Variants in FOCAD observed in about 807,000 individuals in gnomAD.
The protein encoded by FOCAD is KIAA1797.
FOCAD carries 198 observed loss-of-function variants against 225.6 expected under a neutral mutation model. The observed-to-expected ratio is 0.88, with a 90% confidence interval of 0.78 to 0.99. FOCAD has a LOEUF of 0.99. Among genes scored for constraint, FOCAD ranks in the 50% least tolerant of loss-of-function variants. The pLI is 0.00. For synonymous variants in FOCAD, 897 were observed against 755.0 expected, an observed-to-expected ratio of 1.19 and a Z score of -3.08; for missense variants, 2,713 against 2,123.6, an observed-to-expected ratio of 1.28 and a Z score of -5.46.
chr9:20,709,636 G>A (rs1824671230), intron 1 of FOCAD, among the ~76,000 whole-genome samples: 1 of 151,960 alleles, frequency 6.6e-6, no homozygotes, highest in South Asian at 2.1e-4. Flanking sequence ...CAATGTTTGT[G>A]ATTAACCTTG....
chr9:20,662,471 C>T (rs554498913), intron 2 of FOCAD, among the ~76,000 whole-genome samples: 12 of 152,220 alleles, frequency 7.9e-5, no homozygotes, highest in African/African-American at 1.7e-4. Context: ...GGGACAACTC[C>T]GAAGGGCAAT....
chr9:20,656,694 T>A (rs1252275640), upstream of FOCAD, among the ~76,000 whole-genome samples: 1 of 152,170 alleles, frequency 6.6e-6, no homozygotes, highest in Non-Finnish European at 1.5e-5. Context: ...ATGGGTTTCC[T>A]GAATACAGCA....
At chr9:20,761,175 G>T (rs1829560083) in intron 6 of FOCAD, among the ~76,000 whole-genome samples, 2 of 151,786 alleles carry the variant, frequency 1.3e-5, no homozygotes, top group African/African-American at 4.8e-5. Context: ...ACAGTATTTG[G>T]GTATTATTTT....
intron 37 of FOCAD, 25 bp downstream of exon 37, chr9:20,978,479 C>A (rs1840402219): frequency 6.9e-7 from 1 of 1,459,664 alleles, no homozygotes; most frequent in Non-Finnish European, 9.5e-7. Context: ...AGGGTGTTGG[C>A]CAACAGGAGG....
intron 28 of FOCAD, among the ~76,000 whole-genome samples, chr9:20,943,284 TA>T (rs1467038865): frequency 6.6e-6 from 1 of 152,218 alleles, no homozygotes; most frequent in Non-Finnish European, 1.5e-5. Flanking sequence ...GATGGATTAT[TA>T]CTGTAGTAGC....
intron 28 of FOCAD, among the ~76,000 whole-genome samples, chr9:20,943,560 G>C (rs887561192): frequency 6.6e-6 from 1 of 152,032 alleles, no homozygotes; most frequent in East Asian, 1.9e-4. Flanking sequence ...TTTAGGTGTG[G>C]GTGCTCCATT....
intron 6 of FOCAD, 48 bp from the exon 7 acceptor site, chr9:20,764,821 A>C (rs752571361): frequency 1.4e-6 from 2 of 1,438,370 alleles, no homozygotes; most frequent in African/African-American, 2.8e-5. Context: ...TACCTGCTTG[A>C]TAGTGTGTTT....
At chr9:20,957,416 ACTT>A (rs1838261631) in intron 35 of FOCAD, 1 of 150,772 alleles carries the variant, frequency 6.6e-6, no homozygotes. Flanking sequence ...GTCATAATAA[ACTT>A]AATCATTTTC....
chr9:20,798,762 T>C (rs7871249), intron 11 of FOCAD, among the ~76,000 whole-genome samples: 130,795 of 151,678 alleles, frequency 0.86, 56,444 homozygotes, highest in Admixed American at 0.91. Context: ...ATCTTGCTAG[T>C]GGTCTATCAG....
At chr9:20,842,341 T>C (rs1826622490) in intron 15 of FOCAD, among the ~76,000 whole-genome samples, 1 of 152,016 alleles carries the variant, frequency 6.6e-6, no homozygotes, top group African/African-American at 2.4e-5. Flanking sequence ...GGTGGGGTGT[T>C]GATGTCTGCA....
intron 28 of FOCAD, among the ~76,000 whole-genome samples, chr9:20,940,324 C>G (rs1587675147): frequency 6.8e-6 from 1 of 146,062 alleles, no homozygotes; most frequent in East Asian, 2.0e-4. Flanking sequence ...CACTCTGTTG[C>G]TCAGGCTGGA....
intron 11 of FOCAD, among the ~76,000 whole-genome samples, chr9:20,816,632 T>C (rs1823754978): frequency 6.6e-6 from 1 of 152,102 alleles, no homozygotes; most frequent in African/African-American, 2.4e-5. Context: ...TTTTTTCCTT[T>C]TTGAAATTGA....
intron 24 of FOCAD, among the ~76,000 whole-genome samples, chr9:20,919,532 G>A (rs987827315): frequency 1.3e-5 from 2 of 152,148 alleles, no homozygotes; most frequent in Non-Finnish European, 2.9e-5. Flanking sequence ...GAACAAAGCA[G>A]GAGGCATCAT....
At chr9:20,688,179 G>A (rs1822775498) in intron 1 of FOCAD, among the ~76,000 whole-genome samples, 1 of 152,212 alleles carries the variant, frequency 6.6e-6, no homozygotes, top group South Asian at 2.1e-4. Flanking sequence ...TAGATTTTAA[G>A]TGGAAGAAAG....
intron 16 of FOCAD, among the ~76,000 whole-genome samples, chr9:20,864,055 C>T (rs1365995440): frequency 2.0e-5 from 3 of 151,962 alleles, no homozygotes; most frequent in Admixed American, 6.6e-5. Context: ...TCTTCCTGCC[C>T]AGTTAGGGGG....
At chr9:20,949,717 C>T (rs767889975) in intron 33 of FOCAD, 42 bp downstream of exon 33, 2 of 1,462,518 alleles carry the variant, frequency 1.4e-6, no homozygotes, top group Non-Finnish European at 1.9e-6. Flanking sequence ...AAAACATATC[C>T]CCCTTTGTTG....
chr9:20,989,225 ATG>A (rs2132690081), intron 41 of FOCAD, among the ~76,000 whole-genome samples: 1 of 152,222 alleles, frequency 6.6e-6, no homozygotes, highest in Admixed American at 6.5e-5. Flanking sequence ...GAAGAGTTGT[ATG>A]TCTTTTTGAA....
rs1324204685 is a variant in FOCAD at position 20,699,687 on chromosome 9, G to A, written c.-33+15394G>A. 4.5e-5 allele frequency among the ~76,000 whole-genome samples: 6 copies of A among 133,842 alleles called. No homozygotes were observed. In the East Asian group the frequency reaches 1.5e-3, roughly 33 times the overall value. 87.8% of individuals were successfully genotyped at this position (133,842 alleles called of 152,430 possible). ...CAGGAGGCGGAGCTTGCAGTGAGCC[G>A]AGATCGTGCCACTGCTCTCCACCCT... is the stretch of plus-strand genomic sequence containing the variant. On this transcript the variant is annotated intron_variant, in intron 1 of 43. Coordinates refer to ENST00000338382, the MANE Select transcript of FOCAD (RefSeq NM_001375567.1).
At chr9:20,706,899 C>T (rs1171336658) in intron 1 of FOCAD, among the ~76,000 whole-genome samples, 1 of 152,156 alleles carries the variant, frequency 6.6e-6, no homozygotes, top group Non-Finnish European at 1.5e-5. Context: ...GGGCCATTGT[C>T]TTCATGTGCG....
Sources: gnomAD v4.1 joint callset for allele counts (sites outside exome capture counted in the v4.1 genomes callset) on GRCh38, gnomAD v4.1.1 for gene constraint, MANE v1.5 for transcripts, NCBI Gene and HGNC (gene_info 2026-07-23, HGNC 2026-07-21) for gene names.